Variants in CAMK1G observed in about 807,000 individuals in gnomAD.
The protein encoded by CAMK1G is calcium/calmodulin dependent protein kinase IG.
Under a neutral mutation model 54.8 loss-of-function variants are expected in CAMK1G, and 27 were observed. That is an observed-to-expected ratio of 0.49 (90% CI 0.36 to 0.68). The LOEUF (loss-of-function observed/expected upper bound fraction) is 0.68. Among genes scored for constraint, CAMK1G ranks in the 30% least tolerant of loss-of-function variants. The pLI, the probability that CAMK1G is intolerant of heterozygous loss-of-function variation, is 0.00. For missense variants in CAMK1G, 512 were observed against 591.0 expected (o/e 0.87, Z 1.39); for synonymous variants, 238 against 224.9 (o/e 1.06, Z -0.52).
At chr1:209,589,543 C>T (rs1665192640) in intron 1 of CAMK1G, among the ~76,000 whole-genome samples, 1 of 152,174 alleles carries the variant, frequency 6.6e-6, no homozygotes, top group Non-Finnish European at 1.5e-5. Flanking sequence ...CATCTTAAGT[C>T]TAACTCCTCC....
intron 6 of CAMK1G, 102 bp from the exon 7 acceptor site, chr1:209,607,756 A>T: frequency 1.1e-6 from 1 of 881,470 alleles, no homozygotes; most frequent in Non-Finnish European, 1.8e-6. Context: ...CCACCATCCC[A>T]CAGTCTTCCC....
chr1:209,609,339 G>C (rs76001087), intron 8 of CAMK1G, among the ~76,000 whole-genome samples: 35,242 of 152,000 alleles, frequency 0.23, 4,637 homozygotes, highest in Middle Eastern at 0.33. Context: ...AGATGGGGGG[G>C]CAGTTTAGAA....
intron 1 of CAMK1G, among the ~76,000 whole-genome samples, chr1:209,591,012 G>T (rs112805827): frequency 6.6e-6 from 1 of 151,620 alleles, no homozygotes; most frequent in African/African-American, 2.4e-5. Flanking sequence ...TAGATGCCAA[G>T]CACCCTGATA....
intron 1 of CAMK1G, among the ~76,000 whole-genome samples, chr1:209,584,715 C>T (rs2356933): frequency 0.63 from 95,935 of 151,828 alleles, 30,484 homozygotes; most frequent in Non-Finnish European, 0.66. Context: ...ATGAGGAAAG[C>T]CTCTGAGAAG....
chr1:209,587,643 A>C (rs1665137295), intron 1 of CAMK1G, among the ~76,000 whole-genome samples: 1 of 152,056 alleles, frequency 6.6e-6, no homozygotes, highest in African/African-American at 2.4e-5. Context: ...TGTTCACCAG[A>C]GAGGAGGATG....
At chr1:209,609,990 C>T in intron 9 of CAMK1G, 61 bp downstream of exon 9, 2 of 1,317,992 alleles carry the variant, frequency 1.5e-6, no homozygotes, top group Non-Finnish European at 2.2e-6. Context: ...ACCATGCTGA[C>T]TCATTCATAT....
chr1:209,599,389 G>T (rs1273530420), intron 2 of CAMK1G, among the ~76,000 whole-genome samples: 1 of 152,116 alleles, frequency 6.6e-6, no homozygotes. Flanking sequence ...AATGCCCCCT[G>T]CCCAGATTCA....
At chr1:209,592,567 G>A (rs1558135664) in intron 1 of CAMK1G, among the ~76,000 whole-genome samples, 1 of 152,158 alleles carries the variant, frequency 6.6e-6, no homozygotes, top group African/African-American at 2.4e-5. Context: ...GTTGCAGGCA[G>A]CGCTCCTCCT....
At chr1:209,596,599 C>T (rs1456390225) in intron 2 of CAMK1G, among the ~76,000 whole-genome samples, 1 of 151,894 alleles carries the variant, frequency 6.6e-6, no homozygotes, top group Non-Finnish European at 1.5e-5. Context: ...AGTATACCCA[C>T]CATCTAAATT....
At position 209,613,749 on chromosome 1, in the gene CAMK1G, A is replaced by G. The variant is rs1272976245; in HGVS notation, c.*747A>G. The G allele has an allele frequency of 6.6e-6, 1 of 152,242 alleles. No individual in the cohort carries two copies. The highest frequency in any genetic ancestry group is 2.4e-5 in the African/African-American group (1 of 41,430). 9.4% of individuals were successfully genotyped at this position (152,242 alleles called of 1,614,324 possible). On this transcript the variant is annotated 3_prime_UTR_variant, in exon 13 of 13. Coordinates refer to ENST00000361322, the MANE Select transcript of CAMK1G (RefSeq NM_020439.3). The stretch of plus-strand genomic sequence containing the variant: ...TCCTGGCCACATGTCCTCCGTGCAC[A>G]CACCCAATGGAGTTAACCTTGGAAG...
chr1:209,606,571 C>G (rs914339904), intron 6 of CAMK1G, 128 bp downstream of exon 6: 4 of 1,052,258 alleles, frequency 3.8e-6, no homozygotes, highest in Non-Finnish European at 5.5e-6. Flanking sequence ...AGGACATCCA[C>G]TTATAAAGTT....
At chr1:209,600,231 A>G (rs1473246521) in intron 3 of CAMK1G, 120 bp downstream of exon 3, 1 of 1,205,650 alleles carries the variant, frequency 8.3e-7, no homozygotes, top group Non-Finnish European at 1.2e-6. Context: ...ACTTTGATTG[A>G]GTTGATGGGT....
chr1:209,604,105 G>T (rs1413636794), intron 4 of CAMK1G, among the ~76,000 whole-genome samples: 1 of 152,170 alleles, frequency 6.6e-6, no homozygotes, highest in Non-Finnish European at 1.5e-5. Context: ...ATCTCAGCGT[G>T]GCTGGACACA....
At chr1:209,589,267 G>A (rs1479524501) in intron 1 of CAMK1G, among the ~76,000 whole-genome samples, 1 of 152,176 alleles carries the variant, frequency 6.6e-6, no homozygotes, top group Non-Finnish European at 1.5e-5. Context: ...TAGTGTTGCA[G>A]GGAAGTTCTT....
At chr1:209,595,950 A>G (rs1318259414) in intron 2 of CAMK1G, among the ~76,000 whole-genome samples, 1 of 151,582 alleles carries the variant, frequency 6.6e-6, no homozygotes, top group African/African-American at 2.4e-5. Flanking sequence ...GCTCCAGGCC[A>G]CTGGCCCCCA....
chr1:209,595,614 C>A (rs1306959486), intron 2 of CAMK1G, among the ~76,000 whole-genome samples: 2 of 152,130 alleles, frequency 1.3e-5, no homozygotes, highest in Non-Finnish European at 2.9e-5. Flanking sequence ...CTTTCCCAGT[C>A]TCCTCCCCCA....
intron 2 of CAMK1G, among the ~76,000 whole-genome samples, 183 bp from the exon 3 acceptor site, chr1:209,599,799 GT>G (rs1373176569): frequency 2.0e-5 from 3 of 152,142 alleles, no homozygotes; most frequent in African/African-American, 4.8e-5. Context: ...AAGAATACAG[GT>G]TCCCCCCTTC....
chr1:209,602,077 G>A (rs1364085493), intron 3 of CAMK1G, among the ~76,000 whole-genome samples: 1 of 152,148 alleles, frequency 6.6e-6, no homozygotes, highest in Non-Finnish European at 1.5e-5. Context: ...CTGCTAATAT[G>A]ATTATTCTGC....
At chr1:209,594,553 G>A (rs2102384341) in intron 1 of CAMK1G, among the ~76,000 whole-genome samples, 1 of 152,344 alleles carries the variant, frequency 6.6e-6, no homozygotes, top group East Asian at 1.9e-4. Context: ...AATTGAGGGA[G>A]GTGGCAGAGT....
Sources: gnomAD v4.1 joint callset for allele counts (sites outside exome capture counted in the v4.1 genomes callset) on GRCh38, gnomAD v4.1.1 for gene constraint, MANE v1.5 for transcripts, NCBI Gene and HGNC (gene_info 2026-07-23, HGNC 2026-07-21) for gene names.